The following IVD variants were observed in gnomAD, a reference collection of about 807,000 sequenced individuals.
IVD encodes isovaleryl-CoA dehydrogenase.
In IVD, 31 loss-of-function variants were observed where a neutral mutation model predicts 51.3. The ratio of observed to expected loss-of-function variants is 0.60; its 90% CI spans 0.45 to 0.81. IVD has a LOEUF of 0.81. Ranked by LOEUF, IVD falls within the 40% of genes least tolerant of loss-of-function variation. IVD has a pLI of 0.00. For missense variants in IVD, 475 were observed against 552.0 expected, an observed-to-expected ratio of 0.86 and a Z score of 1.40; for synonymous variants, 205 against 219.4, an observed-to-expected ratio of 0.93 and a Z score of 0.58.
At chr15:40,423,713 G>T (rs1357016755), downstream of IVD, among the ~76,000 whole-genome samples, 1 of 152,146 alleles carries the variant, frequency 6.6e-6, no homozygotes, top group Non-Finnish European at 1.5e-5. Flanking sequence ...GCCCACCTCG[G>T]CCCCCCAAAG....
At chr15:40,422,705 T>C (rs1892417435), downstream of IVD, among the ~76,000 whole-genome samples, 1 of 144,996 alleles carries the variant, frequency 6.9e-6, no homozygotes, top group Non-Finnish European at 1.5e-5. Flanking sequence ...GTTCAAGCGA[T>C]TCTCGTGCCT....
chr15:40,415,019 C>T (rs775763907), intron 8 of IVD, 37 bp downstream of exon 8: 13 of 1,608,244 alleles, frequency 8.1e-6, no homozygotes, highest in East Asian at 6.7e-5. Flanking sequence ...TGGGCTCTGT[C>T]GGCCTCCTCG....
chr15:40,418,462 T>C lies in IVD; in HGVS notation c.*199T>C. ...CTCGCAGCCGGGCCTGTGCCACGGCTAGTGTTGTGTGATTTAAAATGGACT... is the reference window on the plus strand; with the variant it reads ...CTCGCAGCCGGGCCTGTGCCACGGCCAGTGTTGTGTGATTTAAAATGGACT... On this transcript the variant is annotated 3_prime_UTR_variant, in exon 12 of 12. Transcript: ENST00000487418. 1 of 1,439,330 alleles carries C rather than the reference T, an allele frequency of 6.9e-7. No individual in the cohort carries two copies. The highest frequency in any genetic ancestry group is 9.1e-7 in the Non-Finnish European group (1 of 1,097,434). 89.2% of individuals were successfully genotyped at this position (1,439,330 alleles called of 1,614,324 possible). A position where few individuals can be genotyped will look rare whatever the true frequency, so the allele number is the denominator to read the frequency against.
intron 8 of IVD, 114 bp from the exon 9 acceptor site, chr15:40,415,287 T>C: frequency 2.1e-6 from 2 of 952,578 alleles, no homozygotes; most frequent in Non-Finnish European, 3.3e-6. Flanking sequence ...GGCAAGACTT[T>C]CTGAAGTTGC....
At chr15:40,426,921 G>A (rs1016920976), downstream of IVD, among the ~76,000 whole-genome samples, 1 of 152,330 alleles carries the variant, frequency 6.6e-6, no homozygotes, top group East Asian at 1.9e-4. Context: ...GACGGGCTGG[G>A]GAGATGGTAA....
In IVD at chr15:40,420,651, C is replaced by G. The variant is rs1892216218; in HGVS notation, c.*2388C>G. 2 of 987,362 alleles carry G rather than the reference C, an allele frequency of 2.0e-6. No individual in the cohort carries two copies. Among genetic ancestry groups the G allele is most frequent in the African/African-American group, 3.5e-5 (2 of 57,282 alleles). The allele number at this position is 987,362 out of a possible 1,614,324, so 61.2% of individuals were successfully genotyped here. A position where few individuals can be genotyped will look rare whatever the true frequency, so the allele number is the denominator to read the frequency against. ...AGTGAGTTTTAAAGGAAGCAGGGAG[C>G]CCAGAGTGCTAAGTTCTTACAGCCA... On this transcript the variant is annotated 3_prime_UTR_variant, in exon 12 of 12. Coordinates refer to ENST00000487418, the MANE Select transcript of IVD (RefSeq NM_002225.5).
At chr15:40,423,552 C>T (rs577905554), downstream of IVD, among the ~76,000 whole-genome samples, 3 of 152,344 alleles carry the variant, frequency 2.0e-5, 1 homozygote, top group South Asian at 6.2e-4. Context: ...ACCTCCGCCT[C>T]CTGGGTTCTA....
At position 40,421,067 on chromosome 15, in the gene IVD, A is replaced by G; in HGVS notation, c.*2804A>G. The stretch of plus-strand genomic sequence containing the variant: ...CCTGAGGGCAAGATCCTGGGCTCAT[A>G]GGCAGTCCCTTTCACTTCCTTGTCT... On this transcript the variant is annotated 3_prime_UTR_variant, in exon 12 of 12. Transcript: ENST00000487418. 1.0e-6 allele frequency: 1 copy of G among 985,422 alleles called. No homozygotes were observed. The allele number at this position is 985,422 out of a possible 1,614,324, so 61.0% of individuals were successfully genotyped here.
chr15:40,431,462 G>A (rs1339709936), intron 7 of IVD, among the ~76,000 whole-genome samples: 6 of 152,128 alleles, frequency 3.9e-5, no homozygotes, highest in East Asian at 1.9e-4. Context: ...TTGGGAGGCC[G>A]AGGCAGGCAG....
intron 6 of IVD, among the ~76,000 whole-genome samples, chr15:40,411,969 G>A (rs1042657996): frequency 5.9e-5 from 9 of 152,198 alleles, no homozygotes; most frequent in Non-Finnish European, 8.8e-5. Flanking sequence ...AGGACATGAC[G>A]GTCAGGGTAC....
chr15:40,427,950 G>A (rs1892765450), downstream of IVD, among the ~76,000 whole-genome samples: 1 of 152,154 alleles, frequency 6.6e-6, no homozygotes, highest in Admixed American at 6.5e-5. Flanking sequence ...GGGAGGCTGA[G>A]GCGGGCAGAT....
downstream of IVD, among the ~76,000 whole-genome samples, chr15:40,422,625 A>C (rs1369001432): frequency 4.9e-5 from 3 of 61,038 alleles, no homozygotes; most frequent in Admixed American, 2.0e-4. Flanking sequence ...TTTAAGACGG[A>C]GTCTCACTTT....
chr15:40,428,373 C>T (rs1301481722), downstream of IVD, among the ~76,000 whole-genome samples: 1 of 152,022 alleles, frequency 6.6e-6, no homozygotes, highest in Non-Finnish European at 1.5e-5. Context: ...TCTTCCCAGC[C>T]CCTCTCTCCC....
In IVD at chr15:40,418,223, G is replaced by A. The variant is rs143348838; in HGVS notation, c.1232G>A (p.Arg411Gln). Residue 411 changes from arginine to glutamine, a missense_variant, in exon 12 of 12, where the codon CGG becomes CAG. Physicochemically the swap from Arg to Gln is conservative, Grantham distance 43 (BLOSUM62 1). Transcript: ENST00000487418. ...EIGAGTSEVR[R>Q]LVIGRAFNAD... ...GGGGCTGGGACCAGCGAGGTGAGGC[G>A]GCTGGTCATCGGCAGAGCCTTCAAT... The A allele has an allele frequency of 3.6e-5, 58 of 1,614,192 alleles. No individual in the cohort carries two copies. Among genetic ancestry groups the A allele is most frequent in the South Asian group, 2.2e-5 (2 of 91,088 alleles).
rs1175638909 is a variant in IVD at position 40,420,773 on chromosome 15, T to C, written c.*2510T>C. ...AGGTCAAAACGAACTAGAATCCAGA[T>C]CTGCTCATGGCAAAAATGGGGGTGT... On this transcript the variant is annotated 3_prime_UTR_variant, in exon 12 of 12. Coordinates refer to ENST00000487418, the MANE Select transcript of IVD (RefSeq NM_002225.5). 1 of 985,558 alleles carries C rather than the reference T, an allele frequency of 1.0e-6. No homozygotes were observed. The highest frequency in any genetic ancestry group is 6.1e-5 in the Admixed American group (1 of 16,266). The allele number at this position is 985,558 out of a possible 1,614,324, so 61.1% of individuals were successfully genotyped here. A position where few individuals can be genotyped will look rare whatever the true frequency, so the allele number is the denominator to read the frequency against.
intron 7 of IVD, among the ~76,000 whole-genome samples, chr15:40,413,716 G>C (rs954161809): frequency 4.0e-5 from 6 of 150,872 alleles, no homozygotes; most frequent in Admixed American, 2.6e-4. Context: ...TTGAGAAGGA[G>C]TCTTGGCTCT....
chr15:40,435,703 C>T, downstream of IVD: 2 of 1,018,566 alleles, frequency 2.0e-6, no homozygotes, highest in Non-Finnish European at 2.4e-6. Context: ...TGCTGCCTCA[C>T]CCCTATACCA....
At chr15:40,432,102 T>A (rs996263571) in intron 7 of IVD, among the ~76,000 whole-genome samples, 2 of 151,814 alleles carry the variant, frequency 1.3e-5, no homozygotes, top group Non-Finnish European at 2.9e-5. Flanking sequence ...TAGCTGGAAC[T>A]ACAGATGCGT....
At chr15:40,431,065 T>C (rs1290583901) in intron 7 of IVD, among the ~76,000 whole-genome samples, 5 of 151,682 alleles carry the variant, frequency 3.3e-5, no homozygotes, top group African/African-American at 1.2e-4. Flanking sequence ...TAGGAAGAAG[T>C]GATGGAGAAA....
Sources: gnomAD v4.1 joint callset for allele counts (sites outside exome capture counted in the v4.1 genomes callset) on GRCh38, gnomAD v4.1.1 for gene constraint, MANE v1.5 for transcripts, NCBI Gene and HGNC (gene_info 2026-07-23, HGNC 2026-07-21) for gene names.